Variants in ARL15 observed in about 807,000 individuals in gnomAD.
The protein encoded by ARL15 is ADP-ribosylation factor-like protein 15.
ARL15 carries 19 observed loss-of-function variants against 25.2 expected under a neutral mutation model. The ratio of observed to expected loss-of-function variants is 0.75; its 90% CI spans 0.53 to 1.10. The LOEUF is 1.10. ARL15 is among the 50% of genes least tolerant of loss of function. ARL15 has a pLI of 0.00. For missense variants in ARL15, 220 were observed against 246.0 expected, an observed-to-expected ratio of 0.89 and a Z score of 0.71; for synonymous variants, 94 against 86.8, an observed-to-expected ratio of 1.08 and a Z score of -0.46.
intron 4 of ARL15, among the ~76,000 whole-genome samples, chr5:54,015,170 T>C (rs1289209825): frequency 6.6e-6 from 1 of 151,530 alleles, no homozygotes; most frequent in African/African-American, 2.4e-5. Flanking sequence ...GGTGGGCACC[T>C]GTAATAGCTA....
intron 4 of ARL15, among the ~76,000 whole-genome samples, chr5:54,071,617 T>C (rs939721323): frequency 1.7e-4 from 26 of 149,508 alleles, no homozygotes; most frequent in African/African-American, 5.9e-4. Flanking sequence ...CACTTTTTGG[T>C]ACATTAATGT....
At chr5:54,246,552 C>T (rs1202164544) in intron 1 of ARL15, among the ~76,000 whole-genome samples, 1 of 152,074 alleles carries the variant, frequency 6.6e-6, no homozygotes, top group Non-Finnish European at 1.5e-5. Context: ...ACCACCATCC[C>T]AGGCACCCAG....
intron 1 of ARL15, among the ~76,000 whole-genome samples, chr5:54,296,983 C>T (rs1029887870): frequency 6.6e-6 from 1 of 152,196 alleles, no homozygotes. Flanking sequence ...GAGCAGTGTA[C>T]AGTAAGGATG....
intron 4 of ARL15, among the ~76,000 whole-genome samples, chr5:53,919,341 A>C (rs1745768715): frequency 6.6e-6 from 1 of 152,226 alleles, no homozygotes; most frequent in Admixed American, 6.5e-5. Context: ...AATGGTTTGC[A>C]GAACCGTAAA....
intron 4 of ARL15, among the ~76,000 whole-genome samples, chr5:54,056,434 C>G (rs115615013): frequency 6.6e-6 from 1 of 151,894 alleles, no homozygotes; most frequent in African/African-American, 2.4e-5. Context: ...GAGTTCGAAA[C>G]AGCCTGGCCA....
intron 3 of ARL15, among the ~76,000 whole-genome samples, chr5:54,135,712 C>T (rs1318226574): frequency 6.6e-6 from 1 of 152,168 alleles, no homozygotes; most frequent in East Asian, 1.9e-4. Context: ...TGGGACTGTT[C>T]AGTTCAGTCA....
intron 4 of ARL15, among the ~76,000 whole-genome samples, chr5:54,092,073 C>CACACACACA (rs143647206): frequency 3.8e-4 from 57 of 149,806 alleles, no homozygotes; most frequent in African/African-American, 1.3e-3. Context: ...CACACACACA[C>CACACACACA]CACCACCACC....
In ARL15 at chr5:54,233,676, T is replaced by C. The variant is rs550501622; in HGVS notation, c.49-61748A>G. 7.9e-4 allele frequency among the ~76,000 whole-genome samples: 120 copies of C among 152,376 alleles called. No individual in the cohort carries two copies. In the Middle Eastern group the frequency reaches 0.017, roughly 22 times the overall value. ...CACTGATATGGTTTCAGGTTCCACA[T>C]GGCAACTAGCCCCTAAGGAACTACC... is the stretch of plus-strand genomic sequence containing the variant. On this transcript the variant is annotated intron_variant, in intron 1 of 4. Coordinates refer to ENST00000504924, the MANE Select transcript of ARL15 (RefSeq NM_019087.3).
intron 3 of ARL15, among the ~76,000 whole-genome samples, chr5:54,137,855 A>G (rs1198273608): frequency 1.3e-5 from 2 of 151,586 alleles, no homozygotes; most frequent in Middle Eastern, 3.4e-3. Flanking sequence ...TGAATCCCGT[A>G]ACATGGATTT....
chr5:54,087,454 T>C (rs912949209), intron 4 of ARL15, among the ~76,000 whole-genome samples: 2 of 152,176 alleles, frequency 1.3e-5, no homozygotes, highest in African/African-American at 2.4e-5. Context: ...TAGCCCTAGA[T>C]CTCCTTAATA....
At chr5:54,033,495 C>T (rs1267711782) in intron 4 of ARL15, among the ~76,000 whole-genome samples, 1 of 151,246 alleles carries the variant, frequency 6.6e-6, no homozygotes, top group African/African-American at 2.4e-5. Context: ...TGGTGAAACC[C>T]CATCTCTACT....
rs1488096076 is a variant in ARL15 at position 53,991,498 on chromosome 5, C to T, written c.463-104785G>A. On this transcript the variant is annotated intron_variant, in intron 4 of 4. Transcript: ENST00000504924. ...CGGAGGTTGCAGTGAGCTGAGATTG[C>T]GCCATTGCACTCTAGCCTGGGCAAT... Among the ~76,000 whole-genome samples, 14 of 94,348 alleles carry T rather than the reference C, an allele frequency of 1.5e-4. No homozygotes were observed. In the South Asian group the frequency reaches 2.4e-3, roughly 16 times the overall value. 61.9% of individuals were successfully genotyped at this position (94,348 alleles called of 152,430 possible). A position where few individuals can be genotyped will look rare whatever the true frequency, so the allele number is the denominator to read the frequency against.
intron 1 of ARL15, among the ~76,000 whole-genome samples, chr5:54,291,084 A>G (rs1758308251): frequency 6.6e-6 from 1 of 152,210 alleles, no homozygotes; most frequent in Non-Finnish European, 1.5e-5. Context: ...AAAAATTTCT[A>G]TTTGCCTATT....
chr5:54,211,626 A>G (rs1756045373), intron 1 of ARL15, among the ~76,000 whole-genome samples: 1 of 152,052 alleles, frequency 6.6e-6, no homozygotes, highest in South Asian at 2.1e-4. Context: ...GCCCGCCACC[A>G]TACCTGGCTA....
At chr5:54,040,477 A>G (rs1171992159) in intron 4 of ARL15, among the ~76,000 whole-genome samples, 3 of 152,214 alleles carry the variant, frequency 2.0e-5, no homozygotes, top group South Asian at 4.1e-4. Context: ...TCTTAGTCTT[A>G]TCATGAAATA....
intron 4 of ARL15, among the ~76,000 whole-genome samples, chr5:54,018,117 A>C (rs1184432184): frequency 6.6e-6 from 1 of 152,216 alleles, no homozygotes; most frequent in Admixed American, 6.5e-5. Flanking sequence ...TCTGGATTCA[A>C]ATCCAACTGT....
chr5:53,982,026 A>T (rs780232511), intron 4 of ARL15, among the ~76,000 whole-genome samples: 16 of 152,276 alleles, frequency 1.1e-4, no homozygotes, highest in Non-Finnish European at 1.6e-4. Flanking sequence ...CAAGAGCGGA[A>T]TCTTGGAACC....
intron 3 of ARL15, among the ~76,000 whole-genome samples, chr5:54,140,448 A>ATAGATAGG (rs1210035940): frequency 7.2e-6 from 1 of 138,372 alleles, no homozygotes; most frequent in African/African-American, 2.5e-5. Context: ...AGATAGATAG[A>ATAGATAGG]TAGATAGATA....
At chr5:53,981,110 G>A (rs1357596104) in intron 4 of ARL15, among the ~76,000 whole-genome samples, 1 of 152,048 alleles carries the variant, frequency 6.6e-6, no homozygotes, top group Non-Finnish European at 1.5e-5. Flanking sequence ...AACGAACCCC[G>A]GTTTAGTCAC....
Sources: allele counts gnomAD v4.1 joint callset (sites outside exome capture counted in the v4.1 genomes callset), GRCh38; gene constraint gnomAD v4.1.1; transcripts MANE v1.5; gene names NCBI Gene and HGNC (gene_info 2026-07-23, HGNC 2026-07-21).